Variants in GCFC2 observed in about 807,000 individuals in gnomAD.
GCFC2 encodes intron Large complex component GCFC2.
GCFC2 carries 102 observed loss-of-function variants against 99.4 expected under a neutral mutation model. The ratio of observed to expected loss-of-function variants is 1.03; its 90% CI spans 0.87 to 1.21. The LOEUF (loss-of-function observed/expected upper bound fraction) is 1.21, where lower values mean the gene tolerates loss of function less well. Ranked by LOEUF, GCFC2 falls within the 50% of genes most tolerant of loss-of-function variation. The probability of loss-of-function intolerance (pLI) is 0.00; values close to 1 mark genes in which losing one functional copy is unlikely to be tolerated. For missense variants in GCFC2, 973 were observed against 920.9 expected (o/e 1.06, Z -0.73); for synonymous variants, 338 against 316.8 (o/e 1.07, Z -0.71).
At position 75,687,037 on chromosome 2, in the gene GCFC2, C is replaced by A. The variant is rs567887033; in HGVS notation, c.1690+790G>T. On this transcript the variant is annotated intron_variant, in intron 11 of 16. Transcript: ENST00000321027. ...GCAACCTTCGCCTCCCAGGTTTAAG[C>A]AATTCTCCTGCCTCAGCCTCCTGAG... Among the ~76,000 whole-genome samples, 518 of 152,046 alleles carry A rather than the reference C, an allele frequency of 3.4e-3. 5 individuals are homozygous for A. The highest frequency in any genetic ancestry group is 0.012 in the African/African-American group (486 of 41,462).
At chr2:75,704,958 C>T (rs1680772227) in intron 2 of GCFC2, among the ~76,000 whole-genome samples, 1 of 152,212 alleles carries the variant, frequency 6.6e-6, no homozygotes, top group South Asian at 2.1e-4. Flanking sequence ...TGAGCCATGG[C>T]ACCTAGTCTA....
intron 2 of GCFC2, among the ~76,000 whole-genome samples, chr2:75,703,147 C>T (rs1303788780): frequency 2.6e-5 from 4 of 152,022 alleles, no homozygotes; most frequent in East Asian, 3.9e-4. Context: ...CAATTTAAAA[C>T]GAGTTTCTTC....
At chr2:75,710,232 C>T (rs1681080705) in intron 1 of GCFC2, among the ~76,000 whole-genome samples, 1 of 152,172 alleles carries the variant, frequency 6.6e-6, no homozygotes, top group Non-Finnish European at 1.5e-5. Flanking sequence ...AACTTCTGCC[C>T]ACTTAATAGT....
chr2:75,710,416 G>C, intron 1 of GCFC2, 175 bp downstream of exon 1: 1 of 1,357,602 alleles, frequency 7.4e-7, no homozygotes, highest in Non-Finnish European at 9.4e-7. Context: ...TAGCGGGCAA[G>C]TGCTCGAGCT....
chr2:75,710,873 C>A lies in GCFC2; in HGVS notation c.-18G>T, dbSNP rs754646767. On this transcript the variant is annotated 5_prime_UTR_variant, in exon 1 of 17. Transcript: ENST00000321027. ...TGAGCCATGGCCGAGGCCCGAGCGCCCGGCGCCCTAGAACCCGCTGAACCG... is the reference window on the plus strand; with the variant it reads ...TGAGCCATGGCCGAGGCCCGAGCGCACGGCGCCCTAGAACCCGCTGAACCG... 1.3e-6 allele frequency: 2 copies of A among 1,535,556 alleles called. No individual in the cohort carries two copies.
At chr2:75,679,599 A>G (rs1679481767) in intron 12 of GCFC2, among the ~76,000 whole-genome samples, 1 of 152,230 alleles carries the variant, frequency 6.6e-6, no homozygotes, top group South Asian at 2.1e-4. Flanking sequence ...ATTATTTGGT[A>G]GACTACAAAT....
At chr2:75,667,171 T>C (rs1176088110) in intron 15 of GCFC2, among the ~76,000 whole-genome samples, 1 of 152,192 alleles carries the variant, frequency 6.6e-6, no homozygotes, top group African/African-American at 2.4e-5. Context: ...TGCATTCCAG[T>C]TTTGTACTCA....
intron 6 of GCFC2, among the ~76,000 whole-genome samples, chr2:75,693,501 T>C (rs986414097): frequency 6.6e-6 from 1 of 152,106 alleles, no homozygotes; most frequent in Non-Finnish European, 1.5e-5. Flanking sequence ...GAATAATTTA[T>C]TGAAATGGTT....
Position 75,671,987 on chromosome 2 carries a change from G to T in GCFC2, c.1919C>A (p.Ser640Ter). The T allele has an allele frequency of 6.3e-7, 1 of 1,592,968 alleles. No individual in the cohort carries two copies. The highest frequency in any genetic ancestry group is 8.6e-7 in the Non-Finnish European group (1 of 1,162,186). ...CCAGAACTGTCTTTCTTGGAACTTT[G>T]AATGAGGTGATGTTTTGTTTTCTAC... is the stretch of plus-strand genomic sequence containing the variant. ...SAVENKTSPHSKFQERQFWSG... is the reference protein window; with the variant it reads ...SAVENKTSPH Residue 640 changes from serine (S) to a stop codon, truncating the protein, a stop_gained, in exon 14 of 17, where the codon TCA becomes TAA. Transcript: ENST00000321027. LOFTEE classifies it high-confidence loss of function.
chr2:75,709,400 A>G (rs377430926), intron 1 of GCFC2, among the ~76,000 whole-genome samples: 2 of 152,344 alleles, frequency 1.3e-5, no homozygotes, highest in Non-Finnish European at 2.9e-5. Context: ...AGACCAAGAA[A>G]TCACGAAGAT....
chr2:75,700,421 T>C (rs578054852), intron 4 of GCFC2, among the ~76,000 whole-genome samples: 1 of 152,112 alleles, frequency 6.6e-6, no homozygotes, highest in Admixed American at 6.5e-5. Flanking sequence ...ATAAATGATA[T>C]ATATTATCTA....
At chr2:75,710,972 C>G, upstream of GCFC2, 2 of 1,368,040 alleles carry the variant, frequency 1.5e-6, no homozygotes, top group Non-Finnish European at 9.4e-7. Context: ...GCGCGCCCGT[C>G]CCGCCTGCCT....
chr2:75,692,971 TAC>T (rs1213448037), intron 6 of GCFC2, among the ~76,000 whole-genome samples: 1 of 152,126 alleles, frequency 6.6e-6, no homozygotes, highest in Non-Finnish European at 1.5e-5. Context: ...CTGCTATGAG[TAC>T]ATTAATGCAC....
chr2:75,701,294 G>T lies in GCFC2; in HGVS notation c.620-7C>A. On this transcript the variant is annotated splice_polypyrimidine_tract_variant and splice_region_variant and intron_variant, in intron 3 of 16. Transcript: ENST00000321027. Reference sequence around the variant, plus strand: ...GTTTCTTCATTTCTGCTTACTAGCGGAAAAAAAGCTCACATGTAAACGTTT... The same window carrying T: ...GTTTCTTCATTTCTGCTTACTAGCGTAAAAAAAGCTCACATGTAAACGTTT... 6.5e-7 allele frequency: 1 copy of T among 1,537,840 alleles called. No individual in the cohort carries two copies. Among genetic ancestry groups the T allele is most frequent in the Non-Finnish European group, 9.0e-7 (1 of 1,113,230 alleles).
rs779159218 is a variant in GCFC2 at position 75,665,944 on chromosome 2, G to A, written c.2213C>T (p.Ser738Phe). ...TATGCATTACCTGAATTCACTTCTA[G>A]ATAATTTATGTGCAGACTGCAATAA... ...QFLLQSAHKLSRSEFRDEVEE... is the reference protein window; with the variant it reads ...QFLLQSAHKLFRSEFRDEVEE... Residue 738 changes from serine (S) to phenylalanine (F), a missense_variant, in exon 16 of 17, where the codon TCT (serine) becomes TTT (phenylalanine). Coordinates refer to ENST00000321027, the MANE Select transcript of GCFC2 (RefSeq NM_003203.5). The A allele has an allele frequency of 3.8e-5, 61 of 1,589,236 alleles. No individual in the cohort carries two copies. Among genetic ancestry groups the A allele is most frequent in the Non-Finnish European group, 5.3e-5 (61 of 1,161,120 alleles).
At chr2:75,700,249 T>C (rs565669498) in intron 4 of GCFC2, among the ~76,000 whole-genome samples, 51 of 152,318 alleles carry the variant, frequency 3.3e-4, no homozygotes, top group African/African-American at 1.2e-3. Flanking sequence ...TTTGTTTACA[T>C]CTTTTAAAAA....
At chr2:75,710,395 G>T in intron 1 of GCFC2, 196 bp downstream of exon 1, 1 of 1,297,208 alleles carries the variant, frequency 7.7e-7, no homozygotes, top group Non-Finnish European at 9.9e-7. Flanking sequence ...AGTCCAAAAG[G>T]CAGATGCAGA....
chr2:75,668,339 G>GAAAAC (rs368695001), intron 15 of GCFC2, among the ~76,000 whole-genome samples: 3,694 of 151,736 alleles, frequency 0.024, 65 homozygotes, highest in African/African-American at 0.04. Context: ...AAGTGCTAAA[G>GAAAAC]AAAACAAAAC....
chr2:75,698,768 T>C (rs1680444519), intron 4 of GCFC2, among the ~76,000 whole-genome samples: 1 of 152,038 alleles, frequency 6.6e-6, no homozygotes, highest in Non-Finnish European at 1.5e-5. Flanking sequence ...TCCTAGCACT[T>C]TGGGAGGTTG....
Sources: gnomAD v4.1 joint callset for allele counts (sites outside exome capture counted in the v4.1 genomes callset) on GRCh38, gnomAD v4.1.1 for gene constraint, MANE v1.5 for transcripts, NCBI Gene and HGNC (gene_info 2026-07-23, HGNC 2026-07-21) for gene names.